ARFIP1: variants seen among roughly 807,000 people sequenced by gnomAD.
ARFIP1 encodes arfaptin-1.
Under a neutral mutation model 42.5 loss-of-function variants are expected in ARFIP1, and 24 were observed. The observed-to-expected ratio is 0.57, with a 90% confidence interval of 0.41 to 0.80. ARFIP1 has a LOEUF of 0.80. ARFIP1 is among the 30% of genes least tolerant of loss of function. The probability of loss-of-function intolerance (pLI) is 0.00; values close to 1 mark genes in which losing one functional copy is unlikely to be tolerated. For missense variants in ARFIP1, 354 were observed against 434.0 expected (o/e 0.82, Z 1.64); for synonymous variants, 141 against 153.7 (o/e 0.92, Z 0.61).
At chr4:152,847,434 C>T (rs1732648822) in intron 2 of ARFIP1, among the ~76,000 whole-genome samples, 2 of 151,822 alleles carry the variant, frequency 1.3e-5, no homozygotes, top group East Asian at 3.9e-4. Flanking sequence ...CACCCGGTGT[C>T]TTCTTTTTAT....
At chr4:152,818,837 C>G (rs964294185) in intron 1 of ARFIP1, among the ~76,000 whole-genome samples, 1 of 152,136 alleles carries the variant, frequency 6.6e-6, no homozygotes, top group African/African-American at 2.4e-5. Context: ...CTGAGTGGGA[C>G]TTAGTGCTGC....
intron 8 of ARFIP1, 81 bp downstream of exon 8, chr4:152,888,388 T>G: frequency 9.8e-7 from 1 of 1,015,610 alleles, no homozygotes; most frequent in Non-Finnish European, 1.4e-6. Context: ...CTGTTTCTGT[T>G]AACTCTCTTG....
At chr4:152,783,040 C>A (rs755821579) in intron 1 of ARFIP1, among the ~76,000 whole-genome samples, 1 of 152,100 alleles carries the variant, frequency 6.6e-6, no homozygotes, top group Non-Finnish European at 1.5e-5. Context: ...AGGCTGGGCA[C>A]GGTGCCTCAC....
At position 152,910,514 on chromosome 4, in the gene ARFIP1, C is replaced by T. The variant is rs1738759730; in HGVS notation, c.*295C>T. On this transcript the variant is annotated 3_prime_UTR_variant, in exon 9 of 9. Transcript: ENST00000353617. ...TTTGAAAACATCTAATAGAGATTTG[C>T]ACTGACAAGATAAAAATTCAAGGTT... 4.8e-6 allele frequency: 1 copy of T among 208,152 alleles called. No homozygotes were observed. Among genetic ancestry groups the T allele is most frequent in the Admixed American group, 5.9e-5 (1 of 17,072 alleles). 12.9% of individuals were successfully genotyped at this position (208,152 alleles called of 1,614,324 possible).
At chr4:152,840,967 G>A (rs997052965) in intron 2 of ARFIP1, among the ~76,000 whole-genome samples, 22 of 151,446 alleles carry the variant, frequency 1.5e-4, no homozygotes, top group South Asian at 2.1e-4. Flanking sequence ...TGATCCACCC[G>A]CCTCGACCTC....
At chr4:152,814,991 A>AGG (rs1729753575) in intron 1 of ARFIP1, among the ~76,000 whole-genome samples, 1 of 152,142 alleles carries the variant, frequency 6.6e-6, no homozygotes, top group Non-Finnish European at 1.5e-5. Flanking sequence ...GAGGTTCAGT[A>AGG]GGGTCTTTGT....
chr4:152,863,796 CAA>C, intron 3 of ARFIP1, 82 bp downstream of exon 3: 2 of 823,930 alleles, frequency 2.4e-6, no homozygotes, highest in Non-Finnish European at 4.0e-6. Flanking sequence ...TAATAAAGCA[CAA>C]GAATGGAGCC....
chr4:152,833,999 C>T (rs1021150199), intron 2 of ARFIP1, among the ~76,000 whole-genome samples: 8 of 152,166 alleles, frequency 5.3e-5, no homozygotes, highest in African/African-American at 1.9e-4. Flanking sequence ...TGCTCAGCTT[C>T]TGGTGGGGCC....
At chr4:152,860,339 A>G (rs117991704) in intron 2 of ARFIP1, among the ~76,000 whole-genome samples, 1 of 152,308 alleles carries the variant, frequency 6.6e-6, no homozygotes, top group East Asian at 1.9e-4. Context: ...CATCCATTAT[A>G]TCAAACTGCC....
chr4:152,890,499 G>A (rs1214371643), intron 8 of ARFIP1, among the ~76,000 whole-genome samples: 2 of 152,130 alleles, frequency 1.3e-5, no homozygotes, highest in East Asian at 1.9e-4. Context: ...AGAAGCACAT[G>A]TACTAATTAG....
At chr4:152,821,190 A>T (rs1169029553) in intron 1 of ARFIP1, among the ~76,000 whole-genome samples, 1 of 152,228 alleles carries the variant, frequency 6.6e-6, no homozygotes, top group African/African-American at 2.4e-5. Flanking sequence ...TTGATTATTA[A>T]GTCACTGAAG....
At chr4:152,880,061 G>T (rs1199234543) in intron 5 of ARFIP1, among the ~76,000 whole-genome samples, 1 of 152,050 alleles carries the variant, frequency 6.6e-6, no homozygotes, top group African/African-American at 2.4e-5. Flanking sequence ...AGGTTTCTAG[G>T]CTGAGCACAA....
chr4:152,872,793 C>T (rs774140006), intron 5 of ARFIP1, among the ~76,000 whole-genome samples: 6 of 151,924 alleles, frequency 3.9e-5, no homozygotes, highest in Non-Finnish European at 7.4e-5. Flanking sequence ...GCTTATTAAC[C>T]GATAATGTAC....
At chr4:152,827,459 G>A (rs1357488313) in intron 1 of ARFIP1, among the ~76,000 whole-genome samples, 2 of 152,046 alleles carry the variant, frequency 1.3e-5, no homozygotes, top group Non-Finnish European at 2.9e-5. Flanking sequence ...CATTCTTGGT[G>A]TTGTACATTC....
intron 1 of ARFIP1, among the ~76,000 whole-genome samples, chr4:152,791,150 A>C (rs1309775996): frequency 6.6e-6 from 1 of 152,234 alleles, no homozygotes; most frequent in Non-Finnish European, 1.5e-5. Context: ...TAATATAAAG[A>C]CAGAAGAATA....
At chr4:152,874,322 G>T (rs775587068) in intron 5 of ARFIP1, among the ~76,000 whole-genome samples, 11 of 152,094 alleles carry the variant, frequency 7.2e-5, no homozygotes, top group Non-Finnish European at 1.6e-4. Flanking sequence ...TGTGAAGGAG[G>T]CATTATTTTC....
intron 7 of ARFIP1, 72 bp from the exon 8 acceptor site, chr4:152,888,061 G>GT (rs1736410112): frequency 8.1e-7 from 1 of 1,231,526 alleles, no homozygotes; most frequent in Admixed American, 2.5e-5. Context: ...TGAATATTAC[G>GT]TATTTCCAAC....
chr4:152,821,146 G>A (rs114613837), intron 1 of ARFIP1, among the ~76,000 whole-genome samples: 3,187 of 152,150 alleles, frequency 0.021, 47 homozygotes, highest in Non-Finnish European at 0.036. Flanking sequence ...ATTAAGATGA[G>A]ATCTTTGAAA....
chr4:152,795,604 C>A (rs1445789439), intron 1 of ARFIP1, among the ~76,000 whole-genome samples: 2 of 152,090 alleles, frequency 1.3e-5, no homozygotes, highest in African/African-American at 4.8e-5. Context: ...TTACACATTA[C>A]CAACACTCTC....
Sources: allele counts gnomAD v4.1 joint callset (sites outside exome capture counted in the v4.1 genomes callset), GRCh38; gene constraint gnomAD v4.1.1; transcripts MANE v1.5; gene names NCBI Gene and HGNC (gene_info 2026-07-23, HGNC 2026-07-21).